NCOR2: variants seen among roughly 807,000 people sequenced by gnomAD.
The protein encoded by NCOR2 is CTG repeat protein 26.
Under a neutral mutation model 262.9 loss-of-function variants are expected in NCOR2, and 81 were observed. The observed-to-expected ratio is 0.31, with a 90% confidence interval of 0.26 to 0.37. The LOEUF (loss-of-function observed/expected upper bound fraction) is 0.37, where lower values mean the gene tolerates loss of function less well. Among genes scored for constraint, NCOR2 ranks in the 10% least tolerant of loss-of-function variants. The probability of loss-of-function intolerance (pLI) is 1.00; values close to 1 mark genes in which losing one functional copy is unlikely to be tolerated. For synonymous variants in NCOR2, 1,659 were observed against 1,559.3 expected (o/e 1.06, Z -1.51); for missense variants, 3,385 against 3,621.4 (o/e 0.93, Z 1.68).
intron 13 of NCOR2, among the ~76,000 whole-genome samples, chr12:124,413,574 A>G (rs2042704374): frequency 6.6e-6 from 1 of 152,142 alleles, no homozygotes; most frequent in Non-Finnish European, 1.5e-5. Flanking sequence ...GCCTGTCTTC[A>G]GCAGAGATGT....
chr12:124,327,386 C>T (rs371413774), intron 45 of NCOR2, 23 bp downstream of exon 47: 22 of 1,161,472 alleles, frequency 1.9e-5, no homozygotes, highest in Admixed American at 5.2e-5. Flanking sequence ...CAGACGGGGG[C>T]GGGGCGGGGG....
At chr12:124,354,621 A>G (rs2135914419) in intron 25 of NCOR2, 39 bp from the exon 28 acceptor site, 1 of 1,473,038 alleles carries the variant, frequency 6.8e-7, no homozygotes, top group Non-Finnish European at 9.0e-7. Flanking sequence ...GTGCTGCCGG[A>G]GCAGGGTCCC....
intron 37 of NCOR2, among the ~76,000 whole-genome samples, chr12:124,338,512 A>AG (rs2036089592): frequency 6.6e-6 from 1 of 151,498 alleles, no homozygotes; most frequent in African/African-American, 2.4e-5. Context: ...CATCAAAAAA[A>AG]AAAAAAAAAA....
chr12:124,430,622 T>C (rs1367764675), exon 9 of NCOR2: 5 of 1,611,996 alleles, frequency 3.1e-6, no homozygotes, highest in Admixed American at 1.7e-5. Context: ...CACCTCTGCA[T>C]GCGCTCCTGC....
intron 20 of NCOR2, among the ~76,000 whole-genome samples, chr12:124,371,248 AC>A (rs2039485764): frequency 1.1e-5 from 1 of 89,782 alleles, no homozygotes; most frequent in Non-Finnish European, 2.1e-5. Context: ...TCCCTGAGCC[AC>A]CCTTTGGCAC....
chr12:124,338,505 CAAAA>C (rs575208388), intron 37 of NCOR2, among the ~76,000 whole-genome samples: 1 of 87,726 alleles, frequency 1.1e-5, no homozygotes, highest in Non-Finnish European at 2.3e-5. Context: ...ACAACTCCAT[CAAAA>C]AAAAAAAAAA....
Position 124,482,913 on chromosome 12 carries a change from T to C in NCOR2, c.411+683A>G, listed in dbSNP as rs2047573093. On this transcript the variant is annotated intron_variant, in intron 3 of 46. Coordinates refer to ENST00000405201, the Ensembl canonical transcript of NCOR2. This position sits in a 1 kb window ranked among gnomAD's most constrained non-coding sequence, Gnocchi z 6.3. ...GACTGGGCAGTAGAAGGCGGCTTTG[T>C]CATTCTAGGGGTCCAGGCCATGTCC... is the stretch of plus-strand genomic sequence containing the variant. 6.6e-6 allele frequency among the ~76,000 whole-genome samples: 1 copy of C among 152,150 alleles called. No homozygotes were observed. The highest frequency in any genetic ancestry group is 2.4e-5 in the African/African-American group (1 of 41,422).
At chr12:124,476,041 G>A (rs908532392) in intron 3 of NCOR2, among the ~76,000 whole-genome samples, 5 of 152,216 alleles carry the variant, frequency 3.3e-5, no homozygotes, top group Middle Eastern at 3.2e-3. Context: ...AAAAGCCTCA[G>A]GAGTGTGTAT....
exon 11 of NCOR2, chr12:124,426,782 G>C (rs1373806269): frequency 6.3e-7 from 1 of 1,582,236 alleles, no homozygotes; most frequent in Non-Finnish European, 8.6e-7. Context: ...GCCAGCTGGC[G>C]CATCTGCTTC....
chr12:124,439,391 A>T (rs1453029880), intron 7 of NCOR2, among the ~76,000 whole-genome samples: 17 of 148,738 alleles, frequency 1.1e-4, no homozygotes, highest in African/African-American at 2.0e-4. Context: ...ACAGAGACCC[A>T]GAGACAGAGG....
At chr12:124,560,994 T>C (rs1255493734) in intron 1 of NCOR2, among the ~76,000 whole-genome samples, 2 of 152,192 alleles carry the variant, frequency 1.3e-5, no homozygotes, top group Non-Finnish European at 2.9e-5. Context: ...ATAAGTATGA[T>C]CCCACTTAGA....
In NCOR2 at chr12:124,426,479, T is replaced by C. The variant is rs74822894; in HGVS notation, c.1328+143A>G. ...AACACCAGGATTTGGACTTCCGGCC[T>C]CCACAACCAGGAGAGAGTAAATCCC... is the stretch of plus-strand genomic sequence containing the variant. On this transcript the variant is annotated intron_variant, in intron 11 of 46. Coordinates refer to ENST00000405201, the Ensembl canonical transcript of NCOR2. 3,384 of 787,778 alleles carry C rather than the reference T, an allele frequency of 4.3e-3. 99 individuals are homozygous for C. In the African/African-American group the frequency reaches 0.054, roughly 13 times the overall value. 48.8% of individuals were successfully genotyped at this position (787,778 alleles called of 1,614,324 possible). A position where few individuals can be genotyped will look rare whatever the true frequency, so the allele number is the denominator to read the frequency against.
At chr12:124,383,439 A>G (rs2040559614) in intron 17 of NCOR2, 2 of 628,246 alleles carry the variant, frequency 3.2e-6, no homozygotes, top group African/African-American at 3.9e-5. Context: ...GGTGGTCACC[A>G]CACTCAACAG....
intron 17 of NCOR2, 90 bp downstream of exon 19, chr12:124,385,655 G>A: frequency 6.5e-7 from 1 of 1,530,910 alleles, no homozygotes; most frequent in Non-Finnish European, 8.8e-7. Flanking sequence ...CCTGGCCCAT[G>A]CCTCCTGGGG....
intron 7 of NCOR2, among the ~76,000 whole-genome samples, chr12:124,446,359 G>A (rs1219824292): frequency 6.6e-6 from 1 of 152,100 alleles, no homozygotes; most frequent in African/African-American, 2.4e-5. Flanking sequence ...ATTGCTTCCT[G>A]GGATAAACTT....
intron 8 of NCOR2, among the ~76,000 whole-genome samples, chr12:124,431,391 CACAGACAGATACACAGGCAGACAG>C (rs2136356727): frequency 6.6e-6 from 1 of 150,912 alleles, no homozygotes; most frequent in South Asian, 2.1e-4. Context: ...ATGGCAGACA[CACAGACAGATACACAGGCAGACAG>C]ACAGACAGAC....
intron 37 of NCOR2, among the ~76,000 whole-genome samples, chr12:124,339,219 A>ACCACC (rs1566363037): frequency 1.3e-4 from 8 of 63,312 alleles, no homozygotes; most frequent in Admixed American, 2.0e-4. Context: ...TCTACCTACC[A>ACCACC]CCCACCCACC....
At chr12:124,439,789 C>G (rs2136432411) in intron 7 of NCOR2, among the ~76,000 whole-genome samples, 1 of 151,404 alleles carries the variant, frequency 6.6e-6, no homozygotes, top group South Asian at 2.1e-4. Flanking sequence ...AGGAAGGGGA[C>G]AGAGACTCAG....
intron 11 of NCOR2, among the ~76,000 whole-genome samples, chr12:124,426,366 G>A (rs756768511): frequency 3.3e-5 from 5 of 152,198 alleles, no homozygotes; most frequent in Admixed American, 6.5e-5. Flanking sequence ...TAGAAGCCCC[G>A]GAAGGCCAAG....
Sources: gnomAD v4.1 joint callset for allele counts (sites outside exome capture counted in the v4.1 genomes callset) on GRCh38, gnomAD v4.1.1 for gene constraint, Gnocchi (gnomAD v3.1) non-coding constraint, MANE v1.5 for transcripts, NCBI Gene and HGNC (gene_info 2026-07-23, HGNC 2026-07-21) for gene names.